Variants in XRN1 observed in about 807,000 individuals in gnomAD.
XRN1 encodes strand-exchange protein 1 homolog.
Under a neutral mutation model 222.3 loss-of-function variants are expected in XRN1, and 67 were observed. The observed-to-expected ratio is 0.30, with a 90% CI of 0.25 to 0.37. The LOEUF (loss-of-function observed/expected upper bound fraction) is 0.37. XRN1 is among the 10% of genes least tolerant of loss of function. The pLI, the probability that XRN1 is intolerant of heterozygous loss-of-function variation, is 1.00. For synonymous variants in XRN1, 643 were observed against 652.4 expected (o/e 0.99, Z 0.22); for missense variants, 1,707 against 2,000.2 (o/e 0.85, Z 2.80).
At chr3:142,363,512 T>C (rs1400643097) in intron 29 of XRN1, among the ~76,000 whole-genome samples, 3 of 152,192 alleles carry the variant, frequency 2.0e-5, no homozygotes, top group Non-Finnish European at 4.4e-5. Context: ...CTATATGTCA[T>C]CTTCATATTA....
At chr3:142,426,898 T>C in intron 2 of XRN1, 57 bp from the exon 3 acceptor site, 1 of 1,386,050 alleles carries the variant, frequency 7.2e-7, no homozygotes, top group East Asian at 2.3e-5. Context: ...TGAAGATCTT[T>C]ATATAAACTG....
chr3:142,313,089 G>C, intron 39 of XRN1: 2 of 1,574,220 alleles, frequency 1.3e-6, no homozygotes, highest in Non-Finnish European at 1.7e-6. Context: ...ATTGTCCCTT[G>C]TGAGAGAAAA....
intron 39 of XRN1, among the ~76,000 whole-genome samples, chr3:142,314,884 G>A (rs574769528): frequency 9.0e-6 from 1 of 110,556 alleles, no homozygotes; most frequent in African/African-American, 3.5e-5. Context: ...CAGCCTGGGT[G>A]ACAGAGTGGG....
intron 33 of XRN1, among the ~76,000 whole-genome samples, chr3:142,336,632 G>A (rs965619050): frequency 1.3e-5 from 2 of 151,308 alleles, no homozygotes; most frequent in Non-Finnish European, 2.9e-5. Flanking sequence ...AGAAGGGGAG[G>A]AAGGGGAGTA....
At chr3:142,390,913 C>T (rs917216872) in intron 20 of XRN1, among the ~76,000 whole-genome samples, 116 of 152,086 alleles carry the variant, frequency 7.6e-4, no homozygotes, top group African/African-American at 2.6e-3. Flanking sequence ...ATTGCTATGT[C>T]TCATGGAATA....
chr3:142,353,114 G>T (rs2066359972), intron 32 of XRN1, among the ~76,000 whole-genome samples: 3 of 152,038 alleles, frequency 2.0e-5, no homozygotes, highest in Admixed American at 2.0e-4. Context: ...TCATATTTAA[G>T]ATAACCAACT....
rs1264370902 is a variant in XRN1, at chr3:142,384,705, T to G, written c.2340-20A>C. ...AGGTAGCTAAAATAAAGAATAAACATGAAATATACATATGAATGAGTATGC... is the reference window on the plus strand; with the variant it reads ...AGGTAGCTAAAATAAAGAATAAACAGGAAATATACATATGAATGAGTATGC... On this transcript the variant is annotated intron_variant, in intron 20 of 40. Transcript: ENST00000392981. 2 of 1,547,008 alleles carry G rather than the reference T, an allele frequency of 1.3e-6. No individual in the cohort carries two copies. The highest frequency in any genetic ancestry group is 2.3e-5 in the East Asian group (1 of 43,684).
At chr3:142,417,035 AAAT>A in intron 13 of XRN1, 102 bp downstream of exon 13, 2 of 810,842 alleles carry the variant, frequency 2.5e-6, no homozygotes, top group Non-Finnish European at 3.6e-6. Flanking sequence ...AAAAAAAAAA[AAAT>A]TACCATAAGT....
At chr3:142,313,104 G>T in intron 39 of XRN1, 1 of 1,587,960 alleles carries the variant, frequency 6.3e-7, no homozygotes, top group Admixed American at 1.9e-5. Flanking sequence ...AGAAAAGCTT[G>T]GGCACAAATA....
intron 22 of XRN1, among the ~76,000 whole-genome samples, chr3:142,382,247 T>C (rs2107935730): frequency 6.6e-6 from 1 of 152,252 alleles, no homozygotes; most frequent in East Asian, 1.9e-4. Context: ...GCCCCCTAGA[T>C]TTAGTTCCCA....
Position 142,364,480 on chromosome 3 carries a change from G to A in XRN1, c.3394+567C>T, listed in dbSNP as rs183759187. Reference sequence around the variant, plus strand: ...CATCTTAGCCACTTTTAAGCGTATGGTACAGTAATGTGAACTGTATGCACA... The same window carrying A: ...CATCTTAGCCACTTTTAAGCGTATGATACAGTAATGTGAACTGTATGCACA... On this transcript the variant is annotated intron_variant, in intron 29 of 40. Coordinates refer to ENST00000392981, the MANE Select transcript of XRN1 (RefSeq NM_001282857.2). Among the ~76,000 whole-genome samples the A allele has an allele frequency of 7.7e-4, 117 of 151,924 alleles. 1 individual carries two copies. In the Middle Eastern group the frequency reaches 0.017, roughly 22 times the overall value.
chr3:142,415,219 T>C (rs1292917476), intron 13 of XRN1, among the ~76,000 whole-genome samples: 1 of 152,248 alleles, frequency 6.6e-6, no homozygotes, highest in Non-Finnish European at 1.5e-5. Flanking sequence ...ATAAATATTT[T>C]ATAAAGCTTT....
At chr3:142,347,173 T>C (rs2066168846) in intron 33 of XRN1, 61 bp downstream of exon 33, 2 of 1,118,064 alleles carry the variant, frequency 1.8e-6, no homozygotes, top group African/African-American at 1.6e-5. Context: ...ATCAATAAAA[T>C]GTTTATTTTT....
intron 1 of XRN1, among the ~76,000 whole-genome samples, chr3:142,443,573 C>T (rs1423265974): frequency 6.6e-6 from 1 of 152,220 alleles, no homozygotes; most frequent in Non-Finnish European, 1.5e-5. Flanking sequence ...AAGCCGGCAA[C>T]AGCAACCCCC....
At chr3:142,336,384 T>C (rs2065851794) in intron 33 of XRN1, among the ~76,000 whole-genome samples, 1 of 150,862 alleles carries the variant, frequency 6.6e-6, no homozygotes, top group Non-Finnish European at 1.5e-5. Context: ...AGACTGTTCA[T>C]TAAGCCAGTC....
Position 142,341,674 on chromosome 3 carries a change from A to G in XRN1, c.3877+5560T>C, listed in dbSNP as rs148275830. Among the ~76,000 whole-genome samples the G allele has an allele frequency of 1.6e-3, 240 of 152,270 alleles. 3 individuals are homozygous for G. Among genetic ancestry groups the G allele is most frequent in the African/African-American group, 5.5e-3 (227 of 41,562 alleles). Reference sequence around the variant, plus strand: ...AGGACCCAATGATCTGTTGCCTAACAGAAACACACATCACCTATAAAGACA... The same window carrying G: ...AGGACCCAATGATCTGTTGCCTAACGGAAACACACATCACCTATAAAGACA... On this transcript the variant is annotated intron_variant, in intron 33 of 40. Coordinates refer to ENST00000392981, the MANE Select transcript of XRN1 (RefSeq NM_001282857.2).
intron 2 of XRN1, among the ~76,000 whole-genome samples, chr3:142,427,841 T>G (rs755782305): frequency 6.6e-6 from 1 of 152,236 alleles, no homozygotes; most frequent in African/African-American, 2.4e-5. Context: ...AAGCTCTGCT[T>G]TGAGTATAGT....
rs1474900478 is a variant in XRN1, at chr3:142,423,565, T to G, written c.705A>C (p.Thr235=). The G allele has an allele frequency of 6.2e-7, 1 of 1,600,788 alleles. No homozygotes were observed. The highest frequency in any genetic ancestry group is 1.3e-5 in the African/African-American group (1 of 74,166). The part of the protein sequence containing the change: ...REEVRFGGKK[T]QRVCAPEETT... The stretch of plus-strand genomic sequence containing the variant: ...ATATATGCTATATAATTTACCGTTG[T>G]GTTTTTTTGCCACCAAATCGAACTT... The change falls in exon 6 of 41, where the codon ACA becomes ACC. Residue 235 remains threonine (T), a synonymous_variant. Coordinates refer to ENST00000392981, the MANE Select transcript of XRN1 (RefSeq NM_001282857.2).
intron 29 of XRN1, among the ~76,000 whole-genome samples, chr3:142,361,169 C>G (rs73867027): frequency 6.6e-6 from 1 of 152,130 alleles, no homozygotes; most frequent in African/African-American, 2.4e-5. Context: ...CTGGCTTCTT[C>G]GAGCATAATT....
Sources: allele counts gnomAD v4.1 joint callset (sites outside exome capture counted in the v4.1 genomes callset), GRCh38; gene constraint gnomAD v4.1.1; transcripts MANE v1.5; gene names NCBI Gene and HGNC (gene_info 2026-07-23, HGNC 2026-07-21).